Variants in FANCD2 observed in about 807,000 individuals in gnomAD.
FANCD2 encodes FA complementation group D2, also known as Fanconi anemia group D2 protein.
A neutral mutation model predicts 192.3 loss-of-function variants in FANCD2; 131 were observed. The observed-to-expected ratio is 0.68, with a 90% CI of 0.59 to 0.79. The LOEUF (loss-of-function observed/expected upper bound fraction) is 0.79, where lower values mean the gene tolerates loss of function less well. FANCD2 is among the 30% of genes least tolerant of loss of function. The probability of loss-of-function intolerance (pLI) is 0.00; values close to 1 mark genes in which losing one functional copy is unlikely to be tolerated. For synonymous variants in FANCD2, 524 were observed against 612.5 expected, an observed-to-expected ratio of 0.86 and a Z score of 2.13; for missense variants, 1,508 against 1,701.6, an observed-to-expected ratio of 0.89 and a Z score of 2.00.
chr3:10,091,855 G>C (rs956473001), intron 37 of FANCD2, among the ~76,000 whole-genome samples: 3 of 152,220 alleles, frequency 2.0e-5, no homozygotes, highest in Non-Finnish European at 4.4e-5. Context: ...AGCACTTTGG[G>C]AGGCCGAGGT....
chr3:10,028,628 G>A lies in FANCD2; in HGVS notation c.-30G>A, dbSNP rs887658416. The A allele has an allele frequency of 6.2e-7, 1 of 1,601,670 alleles. No homozygotes were observed. Among genetic ancestry groups the A allele is most frequent in the African/African-American group, 1.3e-5 (1 of 74,624 alleles). On this transcript the variant is annotated 5_prime_UTR_variant, in exon 2 of 44. Transcript: ENST00000675286. Reference sequence around the variant, plus strand: ...CTGTTTCCCGATTTTGCTCTAGGAAGTAATTTAAGTGCACAAGACATTGGT... The same window carrying A: ...CTGTTTCCCGATTTTGCTCTAGGAAATAATTTAAGTGCACAAGACATTGGT...
chr3:10,043,846 C>T lies in FANCD2; in HGVS notation c.1116C>T (p.Ala372=), dbSNP rs370078641. Residue 372 remains alanine (A), a synonymous_variant, in exon 14 of 44, where the codon GCC becomes GCT. Transcript: ENST00000675286. ...TTTTTCAGGCAATTGAAAACACTGC[C>T]TCAGTATCTGAACACAAGGTAATGT... ...EAWIKAIENT[A]SVSEHKVFDL... The T allele has an allele frequency of 1.2e-4, 187 of 1,613,034 alleles. No homozygotes were observed. Among genetic ancestry groups the T allele is most frequent in the Middle Eastern group, 3.3e-4 (2 of 6,078 alleles).
chr3:10,101,409 G>A lies in FANCD2; in HGVS notation c.*147G>A, dbSNP rs752886865. The A allele has an allele frequency of 1.1e-4, 65 of 599,042 alleles. No homozygotes were observed. Among genetic ancestry groups the A allele is most frequent in the Non-Finnish European group, 1.7e-4 (58 of 343,896 alleles). The allele number at this position is 599,042 out of a possible 1,614,324, so 37.1% of individuals were successfully genotyped here. ...TTTTTTTTTTTTTTTTTTTAAAGAC[G>A]GGGACTCGCTGTGTTTCCCAGGCTG... is the stretch of plus-strand genomic sequence containing the variant. On this transcript the variant is annotated 3_prime_UTR_variant, in exon 44 of 44. Transcript: ENST00000675286.
At chr3:10,095,351 T>C in intron 41 of FANCD2, 77 bp downstream of exon 41, 1 of 1,148,680 alleles carries the variant, frequency 8.7e-7, no homozygotes, top group South Asian at 1.3e-5. Context: ...ATCCATGGGC[T>C]ACCATCCTTC....
intron 37 of FANCD2, among the ~76,000 whole-genome samples, chr3:10,091,229 C>A (rs1694588837): frequency 6.7e-6 from 1 of 150,160 alleles, no homozygotes; most frequent in Non-Finnish European, 1.5e-5. Flanking sequence ...CACAGGTGCA[C>A]GCCACCATGC....
intron 3 of FANCD2, among the ~76,000 whole-genome samples, chr3:10,033,587 T>G (rs1451879928): frequency 9.9e-5 from 15 of 151,982 alleles, no homozygotes; most frequent in Admixed American, 9.8e-4. Context: ...AGAAGAAAAT[T>G]TATAAAGCCA....
At chr3:10,055,742 A>G (rs1438593007) in intron 18 of FANCD2, among the ~76,000 whole-genome samples, 3 of 151,992 alleles carry the variant, frequency 2.0e-5, no homozygotes, top group Non-Finnish European at 4.4e-5. Context: ...AACCCGGGAT[A>G]CGGAGCTTGC....
intron 20 of FANCD2, 38 bp downstream of exon 20, chr3:10,062,249 T>A: frequency 7.8e-7 from 1 of 1,275,310 alleles, no homozygotes; most frequent in Non-Finnish European, 1.1e-6. Context: ...TTTCCTGTCT[T>A]TTTTTTTTTT....
At chr3:10,098,913 G>A (rs1695139695) in intron 43 of FANCD2, 98 bp downstream of exon 43, 5 of 1,614,166 alleles carry the variant, frequency 3.1e-6, no homozygotes, top group East Asian at 2.2e-5. Context: ...TATGTTTATT[G>A]TCAAATGCTT....
chr3:10,091,561 C>G (rs577546023), intron 37 of FANCD2, among the ~76,000 whole-genome samples: 5 of 152,050 alleles, frequency 3.3e-5, no homozygotes, highest in African/African-American at 1.2e-4. Context: ...TAGCTCCGTT[C>G]TGGTTAGCAG....
At chr3:10,059,138 C>T (rs1202517213) in intron 18 of FANCD2, among the ~76,000 whole-genome samples, 4 of 152,044 alleles carry the variant, frequency 2.6e-5, no homozygotes, top group Admixed American at 1.3e-4. Flanking sequence ...CCCAGCCTTC[C>T]GAGTAGCCAG....
chr3:10,055,036 C>T (rs1409055267), intron 18 of FANCD2, among the ~76,000 whole-genome samples: 1 of 152,106 alleles, frequency 6.6e-6, no homozygotes, highest in Non-Finnish European at 1.5e-5. Context: ...TTTGTGTTTA[C>T]CTGTAGTTTC....
At chr3:10,081,648 T>G in intron 32 of FANCD2, 184 bp downstream of exon 32, 1 of 648,504 alleles carries the variant, frequency 1.5e-6, no homozygotes, top group Non-Finnish European at 2.8e-6. Context: ...TCTGAGTCCT[T>G]TGGAGCCACT....
At chr3:10,053,498 G>A (rs184254596) in intron 18 of FANCD2, among the ~76,000 whole-genome samples, 2 of 151,362 alleles carry the variant, frequency 1.3e-5, no homozygotes, top group Admixed American at 1.3e-4. Context: ...TGCACATTGT[G>A]CACATGTACC....
At chr3:10,054,448 T>TGTATATAC (rs1319400966) in intron 18 of FANCD2, among the ~76,000 whole-genome samples, 111 of 24,780 alleles carry the variant, frequency 4.5e-3, no homozygotes, top group Admixed American at 0.013. Flanking sequence ...TGTATATACA[T>TGTATATAC]ATATATATAT....
At chr3:10,045,164 G>GTTTTGT (rs56931017) in intron 14 of FANCD2, among the ~76,000 whole-genome samples, 10 of 145,242 alleles carry the variant, frequency 6.9e-5, no homozygotes, top group South Asian at 2.1e-4. Context: ...TTTTTGTTTT[G>GTTTTGT]TTTTGTTTTT....
chr3:10,064,028 A>G, intron 21 of FANCD2, 117 bp downstream of exon 21: 1 of 1,475,070 alleles, frequency 6.8e-7, no homozygotes, highest in African/African-American at 1.4e-5. Context: ...CCTAAATTCT[A>G]ACTGGGAAAG....
chr3:10,041,218 A>C lies in FANCD2; in HGVS notation c.696-405A>C, dbSNP rs115447266. The C allele has an allele frequency of 5.4e-3, 1,226 of 224,990 alleles. 10 individuals carry two copies. Among genetic ancestry groups the C allele is most frequent in the African/African-American group, 0.017 (716 of 42,348 alleles). The allele number at this position is 224,990 out of a possible 1,614,324, so 13.9% of individuals were successfully genotyped here. ...CTGTCTCAAAAAACAAACAAACAAA[A>C]AAAAAAGCAATCTATCACTGTCCTT... is the stretch of plus-strand genomic sequence containing the variant. On this transcript the variant is annotated intron_variant, in intron 9 of 43. Coordinates refer to ENST00000675286, the MANE Select transcript of FANCD2 (RefSeq NM_001018115.3).
chr3:10,094,513 A>C, intron 40 of FANCD2, 150 bp downstream of exon 40: 1 of 762,740 alleles, frequency 1.3e-6, no homozygotes, highest in Non-Finnish European at 2.4e-6. Flanking sequence ...ATTGGACTGA[A>C]TATTCCAAAG....
Sources: allele counts gnomAD v4.1 joint callset (sites outside exome capture counted in the v4.1 genomes callset), GRCh38; gene constraint gnomAD v4.1.1; transcripts MANE v1.5; gene names NCBI Gene and HGNC (gene_info 2026-07-23, HGNC 2026-07-21).